TENM2: variants seen among roughly 807,000 people sequenced by gnomAD.
The protein encoded by TENM2 is teneurin transmembrane protein 2.
Under a neutral mutation model 245.2 loss-of-function variants are expected in TENM2, and 52 were observed. The observed-to-expected ratio is 0.21, with a 90% CI of 0.17 to 0.27. The LOEUF is 0.27. TENM2 is among the 10% of genes least tolerant of loss of function. TENM2 has a pLI of 1.00. For synonymous variants in TENM2, 1,363 were observed against 1,438.9 expected (o/e 0.95, Z 1.19); for missense variants, 3,046 against 3,666.8 (o/e 0.83, Z 4.37).
chr5:167,374,608 C>T (rs1331643182), intron 1 of TENM2, among the ~76,000 whole-genome samples: 1 of 151,938 alleles, frequency 6.6e-6, no homozygotes, highest in Non-Finnish European at 1.5e-5. Context: ...GAAACTAGGA[C>T]GGGCACCCAG....
intron 9 of TENM2, among the ~76,000 whole-genome samples, chr5:168,109,029 A>G (rs1044695406): frequency 2.0e-4 from 30 of 152,136 alleles, no homozygotes; most frequent in African/African-American, 7.2e-4. Context: ...ACCTTCCATC[A>G]TTCATACCCA....
chr5:167,767,323 C>T (rs1257377690), intron 2 of TENM2, among the ~76,000 whole-genome samples: 1 of 152,174 alleles, frequency 6.6e-6, no homozygotes, highest in East Asian at 1.9e-4. Flanking sequence ...TATGATTCTA[C>T]TTAAATGAGA....
At chr5:167,398,377 C>CCTTTCTTTCTTTCTTT (rs33991275) in intron 2 of TENM2, among the ~76,000 whole-genome samples, 126 of 137,132 alleles carry the variant, frequency 9.2e-4, no homozygotes, top group African/African-American at 2.5e-3. Context: ...TTTCTTTCTT[C>CCTTTCTTTCTTTCTTT]CTTTCTTTCT....
chr5:168,192,872 T>C (rs1264528202), intron 14 of TENM2, among the ~76,000 whole-genome samples: 1 of 152,232 alleles, frequency 6.6e-6, no homozygotes, highest in Non-Finnish European at 1.5e-5. Flanking sequence ...TGTTTCAATC[T>C]GCTTCCTCAT....
chr5:167,501,823 G>C (rs1769231648), intron 2 of TENM2, among the ~76,000 whole-genome samples: 1 of 152,116 alleles, frequency 6.6e-6, no homozygotes, highest in Non-Finnish European at 1.5e-5. Context: ...AACATTTATT[G>C]AAGTAATCAA....
At chr5:167,425,143 T>A (rs1763736495) in intron 2 of TENM2, among the ~76,000 whole-genome samples, 1 of 152,222 alleles carries the variant, frequency 6.6e-6, no homozygotes, top group Non-Finnish European at 1.5e-5. Context: ...AATATAAATA[T>A]GAGAGTTCAA....
chr5:167,040,075 G>C, the TENM2 span, among the ~76,000 whole-genome samples: 1 of 152,078 alleles, frequency 6.6e-6, no homozygotes. Flanking sequence ...ACTCATATAA[G>C]TAAATATAAG....
At chr5:167,672,383 T>A (rs2150354085) in intron 2 of TENM2, among the ~76,000 whole-genome samples, 1 of 152,140 alleles carries the variant, frequency 6.6e-6, no homozygotes, top group East Asian at 1.9e-4. Flanking sequence ...TATATAACAT[T>A]AATGAAATAA....
the TENM2 span, among the ~76,000 whole-genome samples, chr5:167,242,088 A>G: frequency 1.4e-5 from 2 of 140,920 alleles, no homozygotes; most frequent in Non-Finnish European, 3.0e-5. Context: ...CTTGTCGCTC[A>G]GACTAGAGTG....
intron 2 of TENM2, among the ~76,000 whole-genome samples, chr5:167,406,880 C>T (rs531456381): frequency 1.3e-5 from 2 of 152,228 alleles, no homozygotes; most frequent in African/African-American, 4.8e-5. Context: ...TACCAGGCCA[C>T]TGAACCACAT....
intron 27 of TENM2, among the ~76,000 whole-genome samples, chr5:168,256,244 G>A (rs181237437): frequency 4.0e-4 from 60 of 150,480 alleles, no homozygotes; most frequent in Admixed American, 1.6e-3. Context: ...GTATATATAT[G>A]TATATATATT....
chr5:167,549,709 T>C (rs1772807517), intron 2 of TENM2, among the ~76,000 whole-genome samples: 1 of 152,132 alleles, frequency 6.6e-6, no homozygotes, highest in East Asian at 1.9e-4. Context: ...GGGATGGAGG[T>C]TATTTTATCA....
intron 2 of TENM2, among the ~76,000 whole-genome samples, chr5:167,521,208 C>T (rs909004945): frequency 7.9e-5 from 12 of 151,852 alleles, no homozygotes; most frequent in African/African-American, 2.4e-4. Context: ...CAAAGGTTGC[C>T]GAAAATTAAC....
chr5:167,341,073 A>C (rs757406654), intron 1 of TENM2, among the ~76,000 whole-genome samples: 1 of 152,112 alleles, frequency 6.6e-6, no homozygotes, highest in African/African-American at 2.4e-5. Context: ...ATGAGAGGCC[A>C]ACCCTGAAGA....
the TENM2 span, among the ~76,000 whole-genome samples, chr5:166,979,235 A>AGCAGCAGCAGCC: frequency 3.5e-5 from 5 of 142,950 alleles, no homozygotes; most frequent in South Asian, 4.5e-4. Context: ...CAGCAGCAGC[A>AGCAGCAGCAGCC]GCCGCCGCGG....
intron 5 of TENM2, among the ~76,000 whole-genome samples, chr5:168,029,086 A>G (rs1359904181): frequency 6.6e-6 from 1 of 152,198 alleles, no homozygotes; most frequent in Non-Finnish European, 1.5e-5. Flanking sequence ...AGGCACCTGC[A>G]GATTCAGTGA....
chr5:167,043,154 G>A, the TENM2 span, among the ~76,000 whole-genome samples: 1 of 152,120 alleles, frequency 6.6e-6, no homozygotes, highest in Non-Finnish European at 1.5e-5. Context: ...AAAACAAAAG[G>A]TTTTATCCAG....
At chr5:167,066,585 A>G in the TENM2 span, among the ~76,000 whole-genome samples, 1 of 140,794 alleles carries the variant, frequency 7.1e-6, no homozygotes, top group Non-Finnish European at 1.5e-5. Flanking sequence ...CCTGTGTCCA[A>G]GTGTTCTCAT....
At chr5:167,761,112 G>A (rs1762635922) in intron 2 of TENM2, among the ~76,000 whole-genome samples, 1 of 152,090 alleles carries the variant, frequency 6.6e-6, no homozygotes, top group African/African-American at 2.4e-5. Flanking sequence ...TCTGTCTTTT[G>A]TAAAAATGAA....
Sources: gnomAD v4.1 joint callset for allele counts (sites outside exome capture counted in the v4.1 genomes callset) on GRCh38, gnomAD v4.1.1 for gene constraint, MANE v1.5 for transcripts, NCBI Gene and HGNC (gene_info 2026-07-23, HGNC 2026-07-21) for gene names.